Variants in SORCS2 observed in about 807,000 individuals in gnomAD.
SORCS2 encodes the protein sortilin related VPS10 domain containing receptor 2.
Under a neutral mutation model 141.6 loss-of-function variants are expected in SORCS2, and 100 were observed. The observed-to-expected ratio is 0.71, with a 90% CI of 0.60 to 0.83. The LOEUF (loss-of-function observed/expected upper bound fraction) is 0.83. SORCS2 is among the 40% of genes least tolerant of loss of function. The pLI is 0.00. For missense variants in SORCS2, 1,646 were observed against 1,560.2 expected, an observed-to-expected ratio of 1.05 and a Z score of -0.93; for synonymous variants, 789 against 676.9, an observed-to-expected ratio of 1.17 and a Z score of -2.57.
intron 1 of SORCS2, among the ~76,000 whole-genome samples, chr4:7,360,680 G>A (rs1721530076): frequency 7.0e-6 from 1 of 142,410 alleles, no homozygotes; most frequent in African/African-American, 2.6e-5. Context: ...CCAGGCTCAA[G>A]CGATCGATCC....
At chr4:7,272,507 A>G (rs1438186071) in intron 1 of SORCS2, among the ~76,000 whole-genome samples, 1 of 152,224 alleles carries the variant, frequency 6.6e-6, no homozygotes, top group Non-Finnish European at 1.5e-5. Context: ...TTGTAAATGC[A>G]TCCAGTCAAA....
rs947339262 is a variant in SORCS2, at chr4:7,201,138, G to T, written c.480+8012G>T. ...AGTCTGGGAAGATTTCCTGGAGGAGGTGAAGATGGAGCTGCTCTGCAGGAT... is the reference window on the plus strand; with the variant it reads ...AGTCTGGGAAGATTTCCTGGAGGAGTTGAAGATGGAGCTGCTCTGCAGGAT... On this transcript the variant is annotated intron_variant, in intron 1 of 26. Coordinates refer to ENST00000507866, the MANE Select transcript of SORCS2 (RefSeq NM_020777.3). This position sits in a 1 kb window ranked among gnomAD's most constrained non-coding sequence, Gnocchi z 4.4. Among the ~76,000 whole-genome samples, 6 of 152,314 alleles carry T rather than the reference G, an allele frequency of 3.9e-5. No individual in the cohort carries two copies. The highest frequency in any genetic ancestry group is 1.9e-4 in the East Asian group (1 of 5,182).
rs117145896 is a variant in SORCS2 at position 7,354,500 on chromosome 4, C to T, written c.481-41788C>T. Among the ~76,000 whole-genome samples, 240 of 152,202 alleles carry T rather than the reference C, an allele frequency of 1.6e-3. 2 individuals are homozygous for T. The East Asian group carries it at 0.023, about 14-fold the overall frequency. The stretch of plus-strand genomic sequence containing the variant: ...CAGCGTAGGATTCAGGAGATTGGGG[C>T]GAGTCCCAGCCCTACTCAGAGGCTA... On this transcript the variant is annotated intron_variant, in intron 1 of 26. Coordinates refer to ENST00000507866, the MANE Select transcript of SORCS2 (RefSeq NM_020777.3).
intron 20 of SORCS2, among the ~76,000 whole-genome samples, chr4:7,725,901 T>G (rs1727186599): frequency 1.3e-5 from 2 of 152,224 alleles, no homozygotes; most frequent in South Asian, 4.1e-4. Context: ...GGAGGGCCTG[T>G]GGGCTCTGGA....
chr4:7,722,093 T>G lies in SORCS2; in HGVS notation c.2425-1604T>G, dbSNP rs188256412. Reference sequence around the variant, plus strand: ...AAGTTATTTTAACCAACTGAAATGTTTAAGAAGTTAAATGTGCATCAGCGC... The same window carrying G: ...AAGTTATTTTAACCAACTGAAATGTGTAAGAAGTTAAATGTGCATCAGCGC... On this transcript the variant is annotated intron_variant, in intron 18 of 26. Transcript: ENST00000507866. Among the ~76,000 whole-genome samples, 180 of 152,286 alleles carry G rather than the reference T, an allele frequency of 1.2e-3. 1 individual carries two copies. The highest frequency in any genetic ancestry group is 4.3e-3 in the African/African-American group (177 of 41,564).
chr4:7,566,025 G>C (rs1034953166), intron 3 of SORCS2, among the ~76,000 whole-genome samples: 10 of 143,322 alleles, frequency 7.0e-5, no homozygotes, highest in African/African-American at 2.6e-4. Context: ...GGTGATGATG[G>C]TGATAATGAT....
chr4:7,487,778 A>G (rs2109391926), intron 2 of SORCS2, among the ~76,000 whole-genome samples: 1 of 152,052 alleles, frequency 6.6e-6, no homozygotes, highest in South Asian at 2.1e-4. Context: ...TCTTTCTCTC[A>G]ATTAATCCCC....
At chr4:7,669,648 A>G (rs1031506307) in intron 8 of SORCS2, among the ~76,000 whole-genome samples, 1 of 151,750 alleles carries the variant, frequency 6.6e-6, no homozygotes, top group African/African-American at 2.4e-5. Flanking sequence ...TTCTTTTTAT[A>G]TTTTTAATTG....
intron 3 of SORCS2, among the ~76,000 whole-genome samples, chr4:7,598,623 G>A (rs1236524597): frequency 6.6e-6 from 1 of 152,192 alleles, no homozygotes; most frequent in Non-Finnish European, 1.5e-5. Context: ...GAGGAGGCGG[G>A]TGGTGGCTGT....
chr4:7,589,407 G>T (rs35427038), intron 3 of SORCS2, among the ~76,000 whole-genome samples: 41,529 of 151,904 alleles, frequency 0.27, 6,807 homozygotes, highest in East Asian at 0.67. Context: ...TTGTTTGTTT[G>T]TTTGTTTTGT....
chr4:7,354,152 T>G (rs1033101283), intron 1 of SORCS2, among the ~76,000 whole-genome samples: 30 of 152,170 alleles, frequency 2.0e-4, no homozygotes, highest in Admixed American at 6.5e-5. Context: ...GGCATTGTAA[T>G]GACCTTGGAA....
chr4:7,555,872 G>A (rs1714067012), intron 3 of SORCS2, among the ~76,000 whole-genome samples: 3 of 152,216 alleles, frequency 2.0e-5, no homozygotes, highest in African/African-American at 7.2e-5. Flanking sequence ...GCAGGTGGCA[G>A]AGGCAGAGCC....
chr4:7,247,291 G>A (rs1277152952), intron 1 of SORCS2, among the ~76,000 whole-genome samples: 2 of 151,160 alleles, frequency 1.3e-5, no homozygotes, highest in Non-Finnish European at 2.9e-5. Flanking sequence ...GTAAACGGAT[G>A]TTTCTATCTT....
chr4:7,622,478 C>A (rs1316889161), intron 3 of SORCS2, among the ~76,000 whole-genome samples: 1 of 152,200 alleles, frequency 6.6e-6, no homozygotes, highest in East Asian at 1.9e-4. Flanking sequence ...ATTCCAGCAT[C>A]AGAAGATGTG....
At chr4:7,665,145 C>G (rs536629876) in intron 7 of SORCS2, among the ~76,000 whole-genome samples, 1 of 152,216 alleles carries the variant, frequency 6.6e-6, no homozygotes, top group Non-Finnish European at 1.5e-5. Flanking sequence ...CCCAAGGAAG[C>G]CCCTTGAGAG....
At chr4:7,396,205 G>T (rs1724203174) in intron 1 of SORCS2, 83 bp from the exon 2 acceptor site, 2 of 1,343,492 alleles carry the variant, frequency 1.5e-6, no homozygotes, top group Admixed American at 4.0e-5. Flanking sequence ...CCAAATTCTG[G>T]CACGGAGTGG....
intron 2 of SORCS2, among the ~76,000 whole-genome samples, chr4:7,457,394 G>A (rs1475641895): frequency 4.6e-5 from 7 of 152,206 alleles, no homozygotes; most frequent in African/African-American, 1.2e-4. Context: ...AGGGAGCCGC[G>A]TGCCCCAGTG....
At position 7,718,190 on chromosome 4, in the gene SORCS2, G is replaced by A. The variant is rs759378909; in HGVS notation, c.2424+7G>A. ...TGTGGTGCGGCAGGAGCAGGTGAGT[G>A]AGCACCTCCCAGCAGGCTCCTGGGA... On this transcript the variant is annotated splice_region_variant and intron_variant, in intron 18 of 26. Transcript: ENST00000507866. 8 of 1,607,996 alleles carry A rather than the reference G, an allele frequency of 5.0e-6. No individual in the cohort carries two copies. The South Asian group carries it at 5.5e-5, about 11-fold the overall frequency.
intron 1 of SORCS2, among the ~76,000 whole-genome samples, chr4:7,361,733 CT>C (rs1343294988): frequency 1.3e-5 from 2 of 151,716 alleles, no homozygotes; most frequent in Non-Finnish European, 2.9e-5. Flanking sequence ...AGCTGTAAGG[CT>C]TTTATTAAAC....
Sources: allele counts gnomAD v4.1 joint callset (sites outside exome capture counted in the v4.1 genomes callset), GRCh38; gene constraint gnomAD v4.1.1; non-coding constraint Gnocchi (gnomAD v3.1); transcripts MANE v1.5; gene names NCBI Gene and HGNC (gene_info 2026-07-23, HGNC 2026-07-21).